The following SYNPO2 variants were observed in gnomAD, a reference collection of about 807,000 sequenced individuals.
SYNPO2 encodes synaptopodin-2.
A neutral mutation model predicts 85.0 loss-of-function variants in SYNPO2; 56 were observed. The observed-to-expected ratio is 0.66, with a 90% CI of 0.53 to 0.82. The LOEUF (loss-of-function observed/expected upper bound fraction) is 0.82. SYNPO2 is among the 40% of genes least tolerant of loss of function. SYNPO2 has a pLI of 0.00. For synonymous variants in SYNPO2, 602 were observed against 591.1 expected, an observed-to-expected ratio of 1.02 and a Z score of -0.27; for missense variants, 1,575 against 1,534.2, an observed-to-expected ratio of 1.03 and a Z score of -0.44.
intron 1 of SYNPO2, among the ~76,000 whole-genome samples, chr4:119,007,355 G>A (rs1737120777): frequency 7.3e-6 from 1 of 136,250 alleles, no homozygotes. Flanking sequence ...TTAAAAACTG[G>A]AAGGCATGGG....
intron 1 of SYNPO2, among the ~76,000 whole-genome samples, chr4:118,991,779 A>C (rs1015652011): frequency 1.1e-4 from 17 of 152,182 alleles, no homozygotes; most frequent in African/African-American, 3.9e-4. Flanking sequence ...GCCTCATATC[A>C]TCAAAGAATC....
At chr4:118,971,201 T>C (rs1320480965) in intron 1 of SYNPO2, among the ~76,000 whole-genome samples, 1 of 152,272 alleles carries the variant, frequency 6.6e-6, no homozygotes, top group Non-Finnish European at 1.5e-5. Flanking sequence ...TTAGCTGTTT[T>C]GGCTAATGTT....
Position 118,977,575 on chromosome 4 carries a change from G to A in SYNPO2, c.106-45855G>A, listed in dbSNP as rs547388856. Among the ~76,000 whole-genome samples the A allele has an allele frequency of 3.3e-5, 5 of 152,372 alleles. No individual in the cohort carries two copies. The East Asian group carries it at 9.6e-4, about 29-fold the overall frequency. ...CAGGGGAGGTGCCGAGAGCAAGCGA[G>A]GGCTCTGAGGACTGCCAGCATGCTG... is the stretch of plus-strand genomic sequence containing the variant. On this transcript the variant is annotated intron_variant, in intron 1 of 4. Coordinates refer to ENST00000307142, the MANE Select transcript of SYNPO2 (RefSeq NM_133477.3).
intron 1 of SYNPO2, among the ~76,000 whole-genome samples, chr4:118,955,779 A>T (rs1362990555): frequency 6.6e-6 from 1 of 152,158 alleles, no homozygotes; most frequent in Non-Finnish European, 1.5e-5. Context: ...TCATAGACAA[A>T]GCAGAGTTGT....
At chr4:118,870,999 A>T (rs923105982) in intron 1 of SYNPO2, among the ~76,000 whole-genome samples, 2 of 152,228 alleles carry the variant, frequency 1.3e-5, no homozygotes, top group South Asian at 2.1e-4. Context: ...GACACCCAAG[A>T]CTGCAGAAAT....
At chr4:118,943,165 G>A (rs1380429602) in intron 1 of SYNPO2, among the ~76,000 whole-genome samples, 2 of 151,816 alleles carry the variant, frequency 1.3e-5, no homozygotes, top group African/African-American at 4.8e-5. Context: ...AAAGGATGGT[G>A]TGTTGACAAG....
chr4:119,058,373 A>G lies in SYNPO2; in HGVS notation c.*439A>G, dbSNP rs2149203070. ...ATTATCACTACCTATAACATGAGGA[A>G]TATAACATTGCAGAAATTTCTCATA... On this transcript the variant is annotated 3_prime_UTR_variant, in exon 5 of 5. Coordinates refer to ENST00000307142, the MANE Select transcript of SYNPO2 (RefSeq NM_133477.3). 3 of 153,420 alleles carry G rather than the reference A, an allele frequency of 2.0e-5. No homozygotes were observed. In the Middle Eastern group the frequency reaches 0.01, roughly 522 times the overall value. The allele number at this position is 153,420 out of a possible 1,614,324, so 9.5% of individuals were successfully genotyped here.
rs556199862 is a variant in SYNPO2 at position 119,023,023 on chromosome 4, G to A, written c.106-407G>A. On this transcript the variant is annotated intron_variant, in intron 1 of 4. Coordinates refer to ENST00000307142, the MANE Select transcript of SYNPO2 (RefSeq NM_133477.3). ...GAACTCCTGACCTCGTGATCCACCC[G>A]CCTTGGCCTCCCAAAGTGCTGGGAT... is the stretch of plus-strand genomic sequence containing the variant. Among the ~76,000 whole-genome samples, 20 of 152,068 alleles carry A rather than the reference G, an allele frequency of 1.3e-4. No individual in the cohort carries two copies. In the Middle Eastern group the frequency reaches 0.01, roughly 78 times the overall value.
At chr4:119,013,693 T>C (rs571357855) in intron 1 of SYNPO2, among the ~76,000 whole-genome samples, 38 of 152,316 alleles carry the variant, frequency 2.5e-4, no homozygotes, top group African/African-American at 7.9e-4. Context: ...GATGAGATCA[T>C]TGGTGGTATT....
chr4:119,058,056 A>G lies in SYNPO2; in HGVS notation c.*122A>G, dbSNP rs1739272286. 1.9e-6 allele frequency: 2 copies of G among 1,074,148 alleles called. No individual in the cohort carries two copies. Among genetic ancestry groups the G allele is most frequent in the African/African-American group, 1.6e-5 (1 of 61,460 alleles). 66.5% of individuals were successfully genotyped at this position (1,074,148 alleles called of 1,614,324 possible). The stretch of plus-strand genomic sequence containing the variant: ...TGGTCTTGGCTTGTTCTCATAAGTC[A>G]TTTATCTAAGTTTGTGTTTCTGTGT... On this transcript the variant is annotated 3_prime_UTR_variant, in exon 5 of 5. Coordinates refer to ENST00000307142, the MANE Select transcript of SYNPO2 (RefSeq NM_133477.3).
At chr4:118,994,396 A>G (rs986527631) in intron 1 of SYNPO2, among the ~76,000 whole-genome samples, 5 of 152,210 alleles carry the variant, frequency 3.3e-5, no homozygotes, top group Non-Finnish European at 7.3e-5. Context: ...GAAAAATCAA[A>G]TGAGCTTGGC....
chr4:119,007,264 A>G (rs1175282809), intron 1 of SYNPO2, among the ~76,000 whole-genome samples: 4 of 76,502 alleles, frequency 5.2e-5, no homozygotes, highest in South Asian at 4.4e-4. Context: ...ATATATATAT[A>G]TATATATATA....
chr4:118,957,211 G>T (rs1327106757), intron 1 of SYNPO2, among the ~76,000 whole-genome samples: 5 of 152,146 alleles, frequency 3.3e-5, no homozygotes, highest in African/African-American at 1.2e-4. Flanking sequence ...AACACAGGAG[G>T]TTCCTCCCAA....
At position 119,059,760 on chromosome 4, in the gene SYNPO2, A is replaced by C. The variant is rs1047729753; in HGVS notation, c.*1826A>C. 1 of 152,160 alleles carries C rather than the reference A, an allele frequency of 6.6e-6. No individual in the cohort carries two copies. The highest frequency in any genetic ancestry group is 2.4e-5 in the African/African-American group (1 of 41,456). The allele number at this position is 152,160 out of a possible 1,614,324, so 9.4% of individuals were successfully genotyped here. The stretch of plus-strand genomic sequence containing the variant: ...TCTTGAAAGTTAAAAAAAAAAAGTA[A>C]AGAAATCACAGTAAGTTCTATTAGT... On this transcript the variant is annotated 3_prime_UTR_variant, in exon 5 of 5. Coordinates refer to ENST00000307142, the MANE Select transcript of SYNPO2 (RefSeq NM_133477.3).
chr4:119,040,947 A>G (rs898263176), intron 4 of SYNPO2, among the ~76,000 whole-genome samples: 1 of 152,222 alleles, frequency 6.6e-6, no homozygotes, highest in Non-Finnish European at 1.5e-5. Context: ...TCACTTTCCA[A>G]AAACAGAAAG....
At chr4:118,872,177 T>A (rs1372388594) in intron 1 of SYNPO2, among the ~76,000 whole-genome samples, 1 of 152,212 alleles carries the variant, frequency 6.6e-6, no homozygotes, top group African/African-American at 2.4e-5. Flanking sequence ...TATGCAGATA[T>A]TATGCAGTGG....
In SYNPO2 at chr4:119,030,182, G is replaced by A. The variant is rs113501178; in HGVS notation, c.1407G>A (p.Val469=). ...ACTTTGACTGGGATTCTGGACTGGT[G>A]GACATTGAAAAGAAACTGAACAGAG... ...VVNFDWDSGL[V]DIEKKLNRGD... is the part of the protein sequence containing the mutation. The change falls in exon 4 of 5, where the codon GTG becomes GTA. Residue 469 remains valine, a synonymous_variant. Coordinates refer to ENST00000307142, the MANE Select transcript of SYNPO2 (RefSeq NM_133477.3). 1 of 1,614,088 alleles carries A rather than the reference G, an allele frequency of 6.2e-7. No homozygotes were observed. The highest frequency in any genetic ancestry group is 8.5e-7 in the Non-Finnish European group (1 of 1,180,020).
At chr4:119,019,894 A>G (rs1033724230) in intron 1 of SYNPO2, among the ~76,000 whole-genome samples, 4 of 152,186 alleles carry the variant, frequency 2.6e-5, no homozygotes, top group African/African-American at 2.4e-5. Context: ...GTTCACTGAT[A>G]GAGAATTGGT....
chr4:118,976,107 G>A (rs1735720789), intron 1 of SYNPO2, among the ~76,000 whole-genome samples: 1 of 152,332 alleles, frequency 6.6e-6, no homozygotes, highest in Non-Finnish European at 1.5e-5. Context: ...TGGTCTCACT[G>A]ACTTCAAGAA....
Sources: gnomAD v4.1 joint callset for allele counts (sites outside exome capture counted in the v4.1 genomes callset) on GRCh38, gnomAD v4.1.1 for gene constraint, MANE v1.5 for transcripts, NCBI Gene and HGNC (gene_info 2026-07-23, HGNC 2026-07-21) for gene names.